MARCHF11: variants seen among roughly 807,000 people sequenced by gnomAD.
MARCHF11 encodes E3 ubiquitin-protein ligase MARCHF11.
In MARCHF11, 29 loss-of-function variants were observed where a neutral mutation model predicts 37.3. The ratio of observed to expected loss-of-function variants is 0.78; its 90% CI spans 0.58 to 1.06. MARCHF11 has a LOEUF of 1.06. MARCHF11 is among the 50% of genes least tolerant of loss of function. MARCHF11 has a pLI of 0.00. For missense variants in MARCHF11, 482 were observed against 533.4 expected, an observed-to-expected ratio of 0.90 and a Z score of 0.95; for synonymous variants, 233 against 228.0, an observed-to-expected ratio of 1.02 and a Z score of -0.20.
intron 2 of MARCHF11, among the ~76,000 whole-genome samples, chr5:16,106,954 T>C (rs1045753362): frequency 6.6e-6 from 1 of 152,150 alleles, no homozygotes; most frequent in Non-Finnish European, 1.5e-5. Flanking sequence ...TTAATCTTTC[T>C]TGTCAGTTCA....
chr5:16,157,127 A>G (rs1169971715), intron 2 of MARCHF11, among the ~76,000 whole-genome samples: 2 of 151,938 alleles, frequency 1.3e-5, no homozygotes, highest in African/African-American at 2.4e-5. Context: ...CTACAAAAAA[A>G]CTTAGAAATA....
chr5:16,108,652 A>T (rs116581640), intron 2 of MARCHF11, among the ~76,000 whole-genome samples: 1,979 of 152,152 alleles, frequency 0.013, 46 homozygotes, highest in African/African-American at 0.045. Context: ...CAGGGGAGAG[A>T]GAGAGTAAAC....
At chr5:16,134,871 C>G (rs1737580740) in intron 2 of MARCHF11, among the ~76,000 whole-genome samples, 1 of 151,968 alleles carries the variant, frequency 6.6e-6, no homozygotes, top group African/African-American at 2.4e-5. Context: ...GTATATAAAA[C>G]ATGAGTACAA....
intron 2 of MARCHF11, among the ~76,000 whole-genome samples, chr5:16,116,061 C>G (rs1459941420): frequency 6.6e-6 from 1 of 152,120 alleles, no homozygotes; most frequent in Non-Finnish European, 1.5e-5. Flanking sequence ...ATGATTCTAG[C>G]CTTTGGAACA....
intron 3 of MARCHF11, among the ~76,000 whole-genome samples, chr5:16,083,440 C>T (rs938322513): frequency 2.6e-5 from 4 of 152,110 alleles, no homozygotes; most frequent in Non-Finnish European, 5.9e-5. Flanking sequence ...CTTAAGAAAT[C>T]GCTACCTATC....
intron 3 of MARCHF11, among the ~76,000 whole-genome samples, chr5:16,075,531 G>A (rs1484332721): frequency 1.3e-5 from 2 of 152,114 alleles, no homozygotes. Flanking sequence ...TTGCCTTTGG[G>A]AACCTGTTCC....
At chr5:16,079,545 T>A (rs961518853) in intron 3 of MARCHF11, among the ~76,000 whole-genome samples, 4 of 152,164 alleles carry the variant, frequency 2.6e-5, no homozygotes, top group Admixed American at 2.6e-4. Flanking sequence ...TTACTCTTCA[T>A]CCCTATTGGG....
At chr5:16,085,591 CGG>C (rs5866169) in intron 3 of MARCHF11, among the ~76,000 whole-genome samples, 1 of 82,186 alleles carries the variant, frequency 1.2e-5, no homozygotes. Context: ...TGGGTGGGGT[CGG>C]GGGGGGGATA....
intron 3 of MARCHF11, among the ~76,000 whole-genome samples, chr5:16,077,277 C>G (rs902077490): frequency 2.0e-5 from 3 of 151,958 alleles, no homozygotes; most frequent in African/African-American, 7.2e-5. Flanking sequence ...ACTTGGTGGG[C>G]TTTTCCTAGT....
chr5:16,120,795 A>T (rs1737297701), intron 2 of MARCHF11, among the ~76,000 whole-genome samples: 1 of 152,294 alleles, frequency 6.6e-6, no homozygotes, highest in South Asian at 2.1e-4. Context: ...TTGGAGGATG[A>T]GAGGCCAGTG....
At chr5:16,117,911 G>A (rs570255343) in intron 2 of MARCHF11, among the ~76,000 whole-genome samples, 21 of 152,256 alleles carry the variant, frequency 1.4e-4, no homozygotes, top group African/African-American at 5.1e-4. Context: ...TGGCAAAAAG[G>A]GAGTACGCAT....
At chr5:16,071,218 T>C (rs976950926) in intron 3 of MARCHF11, among the ~76,000 whole-genome samples, 1 of 152,210 alleles carries the variant, frequency 6.6e-6, no homozygotes, top group Admixed American at 6.5e-5. Context: ...CGAAAAGCAA[T>C]GATCACTTCT....
At chr5:16,162,522 C>T (rs769423755) in intron 2 of MARCHF11, among the ~76,000 whole-genome samples, 4 of 151,870 alleles carry the variant, frequency 2.6e-5, no homozygotes, top group Non-Finnish European at 2.9e-5. Flanking sequence ...CTTCACTGAC[C>T]ATTCTATCTA....
chr5:16,178,335 T>A (rs1738399312), intron 1 of MARCHF11, among the ~76,000 whole-genome samples: 1 of 152,230 alleles, frequency 6.6e-6, no homozygotes, highest in Non-Finnish European at 1.5e-5. Context: ...AGCCTGTATA[T>A]TCTTATGCAA....
chr5:16,088,335 T>C (rs1303913854), intron 3 of MARCHF11, among the ~76,000 whole-genome samples: 1 of 152,144 alleles, frequency 6.6e-6, no homozygotes, highest in Non-Finnish European at 1.5e-5. Flanking sequence ...GGAAGGAAAG[T>C]GGGTGACTCT....
At chr5:16,099,579 A>C (rs886853626) in intron 2 of MARCHF11, among the ~76,000 whole-genome samples, 1 of 145,192 alleles carries the variant, frequency 6.9e-6, no homozygotes, top group Admixed American at 6.9e-5. Context: ...ATAGTAACAG[A>C]AAAAAAAAAG....
At chr5:16,178,960 C>CG in intron 1 of MARCHF11, 79 bp downstream of exon 1, 1 of 1,342,104 alleles carries the variant, frequency 7.5e-7, no homozygotes. Flanking sequence ...GGTAGGCGTG[C>CG]GCTGTCCGTG....
At chr5:16,080,384 C>T (rs566468871) in intron 3 of MARCHF11, among the ~76,000 whole-genome samples, 18 of 152,296 alleles carry the variant, frequency 1.2e-4, no homozygotes, top group African/African-American at 4.3e-4. Flanking sequence ...GTTCCCCAAA[C>T]TGCTGCTCCT....
At chr5:16,147,630 G>T (rs78724729) in intron 2 of MARCHF11, among the ~76,000 whole-genome samples, 1 of 152,080 alleles carries the variant, frequency 6.6e-6, no homozygotes, top group African/African-American at 2.4e-5. Context: ...TTGAATGTGC[G>T]ATAGAAATAT....
Sources: allele counts gnomAD v4.1 joint callset (sites outside exome capture counted in the v4.1 genomes callset), GRCh38; gene constraint gnomAD v4.1.1; transcripts MANE v1.5; gene names NCBI Gene and HGNC (gene_info 2026-07-23, HGNC 2026-07-21).